Variants in SPECC1L observed in about 807,000 individuals in gnomAD.
SPECC1L encodes sperm antigen with calponin homology and coiled-coil domains 1 like, also known as cytospin-A.
Under a neutral mutation model 116.8 loss-of-function variants are expected in SPECC1L, and 40 were observed. The observed-to-expected ratio is 0.34, with a 90% CI of 0.27 to 0.45. The LOEUF is 0.45. Ranked by LOEUF, SPECC1L falls within the 20% of genes least tolerant of loss-of-function variation. The pLI, the probability that SPECC1L is intolerant of heterozygous loss-of-function variation, is 1.00. For synonymous variants in SPECC1L, 504 were observed against 500.6 expected, an observed-to-expected ratio of 1.01 and a Z score of -0.09; for missense variants, 1,110 against 1,373.6, an observed-to-expected ratio of 0.81 and a Z score of 3.03.
At chr22:24,284,238 T>C (rs926208486) in intron 2 of SPECC1L, among the ~76,000 whole-genome samples, 1 of 152,138 alleles carries the variant, frequency 6.6e-6, no homozygotes, top group African/African-American at 2.4e-5. Context: ...TTTAAGTTTT[T>C]AAAGGTAATT....
chr22:24,408,317 AC>A (rs1460148945), intron 14 of SPECC1L, among the ~76,000 whole-genome samples: 2 of 152,204 alleles, frequency 1.3e-5, no homozygotes, highest in African/African-American at 4.8e-5. Context: ...GGTCATCAGA[AC>A]CCTTTATGGA....
Position 24,403,474 on chromosome 22 carries a change from G to A in SPECC1L, c.3088-8114G>A, listed in dbSNP as rs75637992. On this transcript the variant is annotated intron_variant, in intron 14 of 16. Transcript: ENST00000314328. ...ATAGTGAACAATAGAAATTCCTTCCGTTAATGTGCATTTTCCCCTCAAATA... is the reference window on the plus strand; with the variant it reads ...ATAGTGAACAATAGAAATTCCTTCCATTAATGTGCATTTTCCCCTCAAATA... 2.4e-3 allele frequency among the ~76,000 whole-genome samples: 360 copies of A among 152,198 alleles called. 3 individuals are homozygous for A. Among genetic ancestry groups the A allele is most frequent in the Non-Finnish European group, 4.0e-3 (269 of 67,984 alleles).
chr22:24,355,464 C>CACCTACCT (rs777867862), intron 11 of SPECC1L, among the ~76,000 whole-genome samples: 1 of 151,782 alleles, frequency 6.6e-6, no homozygotes, highest in Non-Finnish European at 1.5e-5. Context: ...TCCACCCACC[C>CACCTACCT]ACCTACCTAC....
intron 10 of SPECC1L, among the ~76,000 whole-genome samples, chr22:24,343,173 G>A (rs866210096): frequency 1.6e-4 from 24 of 152,060 alleles, no homozygotes; most frequent in African/African-American, 5.6e-4. Context: ...CAGCCTGGGC[G>A]ACACAGGGAG....
chr22:24,282,152 G>A (rs1003353938), intron 2 of SPECC1L, among the ~76,000 whole-genome samples: 1 of 152,204 alleles, frequency 6.6e-6, no homozygotes, highest in African/African-American at 2.4e-5. Context: ...CGATCTGGAT[G>A]GTGCCAGCTG....
intron 4 of SPECC1L, 138 bp from the exon 5 acceptor site, chr22:24,321,150 A>C (rs1349563463): frequency 2.0e-6 from 2 of 979,720 alleles, no homozygotes; most frequent in Non-Finnish European, 3.2e-6. Flanking sequence ...ACAGACTCTA[A>C]GGCAAGATTA....
Position 24,322,497 on chromosome 22 carries a change from G to A in SPECC1L, c.1517G>A (p.Arg506Gln), listed in dbSNP as rs760242241. 15 of 1,614,026 alleles carry A rather than the reference G, an allele frequency of 9.3e-6. No homozygotes were observed. Among genetic ancestry groups the A allele is most frequent in the Non-Finnish European group, 1.2e-5 (14 of 1,180,034 alleles). Reference sequence around the variant, plus strand: ...CTCGCTGAGAATGCCCGTTTTGAACGGGAGCAGCTTCTTGGTGTCCAGCAG... The same window carrying A: ...CTCGCTGAGAATGCCCGTTTTGAACAGGAGCAGCTTCTTGGTGTCCAGCAG... Reference protein sequence around the residue: ...MDLAENARFEREQLLGVQQHL... With the variant: ...MDLAENARFEQEQLLGVQQHL... Residue 506 changes from arginine to glutamine, a missense_variant, in exon 5 of 17, where the codon CGG (arginine) becomes CAG (glutamine). By Grantham distance (43) the Arg-to-Gln change is conservative. This residue lies in a region of SPECC1L where 575 missense variants were observed against 682.4 expected (regional missense o/e 0.84). Transcript: ENST00000314328.
intron 14 of SPECC1L, among the ~76,000 whole-genome samples, chr22:24,377,835 C>T (rs186498797): frequency 3.1e-4 from 47 of 152,266 alleles, no homozygotes; most frequent in African/African-American, 1.1e-3. Flanking sequence ...GTCATCCAGG[C>T]TTTGTTGTTC....
chr22:24,348,112 G>T lies in SPECC1L; in HGVS notation c.2743+936G>T, dbSNP rs895232345. On this transcript the variant is annotated intron_variant, in intron 11 of 16. Transcript: ENST00000314328. Reference sequence around the variant, plus strand: ...GTGCATTGGAAAGATGAACTGCAGTGTTGGGGTGTGGTGCTGGGAAAAGCA... The same window carrying T: ...GTGCATTGGAAAGATGAACTGCAGTTTTGGGGTGTGGTGCTGGGAAAAGCA... Among the ~76,000 whole-genome samples the T allele has an allele frequency of 7.2e-5, 11 of 152,148 alleles. 1 individual carries two copies. The highest frequency in any genetic ancestry group is 2.7e-4 in the African/African-American group (11 of 41,442).
intron 2 of SPECC1L, among the ~76,000 whole-genome samples, chr22:24,277,736 T>C (rs890293776): frequency 6.6e-6 from 1 of 152,258 alleles, no homozygotes; most frequent in African/African-American, 2.4e-5. Context: ...AATGATATAC[T>C]TTATTTGTCC....
intron 14 of SPECC1L, among the ~76,000 whole-genome samples, chr22:24,392,633 TAGGGCG>T (rs1305227665): frequency 2.0e-4 from 31 of 152,190 alleles, no homozygotes; most frequent in Non-Finnish European, 3.8e-4. Context: ...TTAGACAACA[TAGGGCG>T]GGAGAGAGAG....
chr22:24,318,145 G>A (rs1274362755), intron 4 of SPECC1L, among the ~76,000 whole-genome samples: 1 of 152,080 alleles, frequency 6.6e-6, no homozygotes, highest in South Asian at 2.1e-4. Flanking sequence ...CTGCAATCTC[G>A]GCACTTTGGG....
At chr22:24,385,517 C>G (rs968910988) in intron 14 of SPECC1L, among the ~76,000 whole-genome samples, 18 of 152,166 alleles carry the variant, frequency 1.2e-4, no homozygotes, top group Non-Finnish European at 1.5e-5. Flanking sequence ...ATGTCCTATG[C>G]GAGCACTAAC....
intron 4 of SPECC1L, among the ~76,000 whole-genome samples, chr22:24,318,710 A>G (rs1475359052): frequency 2.0e-5 from 3 of 152,150 alleles, no homozygotes; most frequent in Non-Finnish European, 4.4e-5. Context: ...ACTTGAGCCT[A>G]GGAGTTCAAG....
intron 1 of SPECC1L, among the ~76,000 whole-genome samples, chr22:24,272,565 C>T (rs573500290): frequency 6.7e-6 from 1 of 150,254 alleles, no homozygotes; most frequent in Admixed American, 6.7e-5. Context: ...CCCAGCGGCT[C>T]GGGAGGCCGA....
At chr22:24,335,906 C>G (rs2041044492) in intron 9 of SPECC1L, among the ~76,000 whole-genome samples, 1 of 151,862 alleles carries the variant, frequency 6.6e-6, no homozygotes, top group Middle Eastern at 3.2e-3. Flanking sequence ...TCTTTACAGA[C>G]TCTGAAGTTG....
intron 6 of SPECC1L, 52 bp downstream of exon 6, chr22:24,324,479 G>A (rs551393813): frequency 1.9e-5 from 29 of 1,505,644 alleles, no homozygotes; most frequent in East Asian, 2.3e-5. Flanking sequence ...TTAAACATGC[G>A]GGGATAATTT....
chr22:24,353,589 G>A (rs574346394), intron 11 of SPECC1L, among the ~76,000 whole-genome samples: 22 of 151,814 alleles, frequency 1.4e-4, no homozygotes, highest in African/African-American at 4.8e-4. Context: ...GTATTTTTTG[G>A]TAGAGATGGA....
rs965996060 is a variant in SPECC1L at position 24,396,317 on chromosome 22, T to G, written c.3088-15271T>G. 1.8e-4 allele frequency among the ~76,000 whole-genome samples: 27 copies of G among 152,146 alleles called. No individual in the cohort carries two copies. In the South Asian group the frequency reaches 2.1e-3, roughly 12 times the overall value. The stretch of plus-strand genomic sequence containing the variant: ...GTGGTTTTTTTTTTTTGTTGTTGTT[T>G]TTTGTTTTTGAGACAGGGTCTCACT... On this transcript the variant is annotated intron_variant, in intron 14 of 16. Coordinates refer to ENST00000314328, the MANE Select transcript of SPECC1L (RefSeq NM_015330.6).
Sources: gnomAD v4.1 joint callset for allele counts (sites outside exome capture counted in the v4.1 genomes callset) on GRCh38, gnomAD v4.1.1 for gene constraint, gnomAD v4.1.1 regional missense constraint, MANE v1.5 for transcripts, NCBI Gene and HGNC (gene_info 2026-07-23, HGNC 2026-07-21) for gene names.